Variants in TIPIN observed in about 807,000 individuals in gnomAD.
The protein encoded by TIPIN is TIMELESS interacting protein.
In TIPIN, 29 loss-of-function variants were observed where a neutral mutation model predicts 35.6. That is an observed-to-expected ratio of 0.82 (90% CI 0.61 to 1.11). TIPIN has a LOEUF of 1.11. TIPIN is among the 50% of genes most tolerant of loss of function. The probability of loss-of-function intolerance (pLI) is 0.00; values close to 1 mark genes in which losing one functional copy is unlikely to be tolerated. For synonymous variants in TIPIN, 102 were observed against 121.5 expected, an observed-to-expected ratio of 0.84 and a Z score of 1.06; for missense variants, 296 against 345.4, an observed-to-expected ratio of 0.86 and a Z score of 1.13.
upstream of TIPIN, among the ~76,000 whole-genome samples, chr15:66,360,552 G>A (rs1425995061): frequency 3.3e-5 from 5 of 152,160 alleles, no homozygotes; most frequent in South Asian, 4.1e-4. Flanking sequence ...ATTGTCCACC[G>A]GATGCAGTGG....
rs768022925 is a variant in TIPIN at position 66,349,399 on chromosome 15, G to A, written c.327C>T (p.His109=). The part of the protein sequence containing the change: ...DLKMLIRHME[H]WAHRLFPKLQ... Reference sequence around the variant, plus strand: ...GTTTAGGGAATAGCCTATGTGCCCAGTGCTCCATGTGTCTGATTAGCATCT... The same window carrying A: ...GTTTAGGGAATAGCCTATGTGCCCAATGCTCCATGTGTCTGATTAGCATCT... Residue 109 remains histidine, a synonymous_variant, in exon 5 of 8, where the codon CAC becomes CAT. Coordinates refer to ENST00000261881, the MANE Select transcript of TIPIN (RefSeq NM_017858.3). 1 of 1,613,854 alleles carries A rather than the reference G, an allele frequency of 6.2e-7. No homozygotes were observed. The highest frequency in any genetic ancestry group is 8.5e-7 in the Non-Finnish European group (1 of 1,179,954).
intron 7 of TIPIN, among the ~76,000 whole-genome samples, chr15:66,339,412 A>G (rs1338327795): frequency 2.0e-5 from 3 of 152,008 alleles, no homozygotes; most frequent in East Asian, 1.9e-4. Context: ...TGCTGGGCCT[A>G]TAATTCTTAT....
At chr15:66,340,304 A>C (rs544558410) in intron 7 of TIPIN, among the ~76,000 whole-genome samples, 1 of 147,428 alleles carries the variant, frequency 6.8e-6, no homozygotes, top group East Asian at 2.0e-4. Flanking sequence ...CAGCCTCCCA[A>C]GTGGCTGGGA....
At chr15:66,348,973 G>C in intron 6 of TIPIN, 87 bp downstream of exon 6, 1 of 1,041,930 alleles carries the variant, frequency 9.6e-7, no homozygotes, top group East Asian at 2.5e-5. Flanking sequence ...GCAAAGCGCT[G>C]GGATTACAGG....
chr15:66,367,244 C>CTGTATCTATATCTA (rs1440506710), intron 1 of TIPIN, among the ~76,000 whole-genome samples: 15 of 146,566 alleles, frequency 1.0e-4, no homozygotes, highest in East Asian at 2.0e-4. Flanking sequence ...ATATCTATAT[C>CTGTATCTATATCTA]TATCTATATA....
chr15:66,379,360 T>G (rs1234842520), intron 1 of TIPIN: 6 of 1,596,976 alleles, frequency 3.8e-6, no homozygotes, highest in Non-Finnish European at 5.1e-6. Context: ...TGCTGAACAG[T>G]TCCTTTTTCA....
intron 7 of TIPIN, among the ~76,000 whole-genome samples, chr15:66,339,739 CTAA>C: frequency 1.3e-5 from 2 of 152,132 alleles, no homozygotes; most frequent in South Asian, 4.1e-4. Context: ...TCTAAAAATA[CTAA>C]TAATATATTT....
At position 66,352,212 on chromosome 15, in the gene TIPIN, T is replaced by G. The variant is rs762971386; in HGVS notation, c.134-5A>C. On this transcript the variant is annotated splice_polypyrimidine_tract_variant and splice_region_variant and intron_variant, in intron 2 of 7. Transcript: ENST00000261881. ...CAGGTGCTCCATTTCCTGACTCTGGTGAAACAAACCACGATTCAGTATTAC... is the reference window on the plus strand; with the variant it reads ...CAGGTGCTCCATTTCCTGACTCTGGGGAAACAAACCACGATTCAGTATTAC... 12 of 1,591,410 alleles carry G rather than the reference T, an allele frequency of 7.5e-6. No homozygotes were observed. The highest frequency in any genetic ancestry group is 1.0e-5 in the Non-Finnish European group (12 of 1,167,690).
At chr15:66,381,651 T>C (rs959667509) in intron 1 of TIPIN, among the ~76,000 whole-genome samples, 2 of 152,206 alleles carry the variant, frequency 1.3e-5, no homozygotes, top group African/African-American at 4.8e-5. Context: ...ACTATGTTGA[T>C]CATTCTTCTG....
At chr15:66,379,351 G>T (rs2093309420) in intron 1 of TIPIN, 1 of 1,595,526 alleles carries the variant, frequency 6.3e-7, no homozygotes, top group African/African-American at 1.3e-5. Flanking sequence ...TCATCATCCT[G>T]CTGAACAGTT....
At chr15:66,382,062 C>CA (rs35299889) in intron 1 of TIPIN, among the ~76,000 whole-genome samples, 128,137 of 150,386 alleles carry the variant, frequency 0.85, 55,547 homozygotes, top group East Asian at 1. Flanking sequence ...AACTCTGTCT[C>CA]AAAAAAAAAA....
chr15:66,364,281 T>A (rs1315138654), intron 1 of TIPIN, among the ~76,000 whole-genome samples: 1 of 147,406 alleles, frequency 6.8e-6, no homozygotes, highest in East Asian at 2.2e-4. Flanking sequence ...TTCTCCTGTC[T>A]CAGCCTCCCA....
rs146869358 is a variant in TIPIN, at chr15:66,370,081, C to T, written c.-9+16526G>A. ...AACCAGACTTGAAAATAAGAATATC[C>T]GGGATTCTGGACTGTGATTTCAAAG... On this transcript the variant is annotated intron_variant, in intron 1 of 7. Transcript: ENST00000562124. Among the ~76,000 whole-genome samples the T allele has an allele frequency of 7.2e-5, 11 of 152,164 alleles. No individual in the cohort carries two copies. In the East Asian group the frequency reaches 1.5e-3, roughly 21 times the overall value.
At chr15:66,365,586 G>A (rs1212750771) in intron 1 of TIPIN, among the ~76,000 whole-genome samples, 2 of 152,084 alleles carry the variant, frequency 1.3e-5, no homozygotes, top group Non-Finnish European at 2.9e-5. Flanking sequence ...TAGCTCTGTC[G>A]CCCAGGTTGG....
intron 1 of TIPIN, chr15:66,382,758 T>G: frequency 5.3e-6 from 1 of 187,302 alleles, no homozygotes. Context: ...TTTGCCAATA[T>G]TCAAACATTT....
intron 1 of TIPIN, among the ~76,000 whole-genome samples, chr15:66,373,684 C>A (rs2093285772): frequency 6.6e-6 from 1 of 151,686 alleles, no homozygotes; most frequent in African/African-American, 2.4e-5. Context: ...TTGTCTTTTT[C>A]TTTTTTTATT....
chr15:66,379,601 G>A, intron 1 of TIPIN: 1 of 1,610,442 alleles, frequency 6.2e-7, no homozygotes, highest in South Asian at 1.1e-5. Context: ...CATTCTCCGG[G>A]ATAACGACGA....
At chr15:66,349,013 T>C (rs372633543) in intron 6 of TIPIN, 47 bp downstream of exon 6, 145 of 1,521,758 alleles carry the variant, frequency 9.5e-5, no homozygotes, top group Non-Finnish European at 1.3e-4. Context: ...CCTAGATCTA[T>C]TTCTAAAAGC....
intron 1 of TIPIN, among the ~76,000 whole-genome samples, chr15:66,373,848 A>T (rs913129334): frequency 6.6e-6 from 1 of 151,882 alleles, no homozygotes; most frequent in African/African-American, 2.4e-5. Flanking sequence ...GACCACAGGC[A>T]TGTACCATTA....
Sources: allele counts gnomAD v4.1 joint callset (sites outside exome capture counted in the v4.1 genomes callset), GRCh38; gene constraint gnomAD v4.1.1; transcripts MANE v1.5; gene names NCBI Gene and HGNC (gene_info 2026-07-23, HGNC 2026-07-21).